The following ZC3H12C variants were observed in gnomAD, a reference collection of about 807,000 sequenced individuals.
ZC3H12C encodes the protein probable ribonuclease ZC3H12C.
Under a neutral mutation model 76.3 loss-of-function variants are expected in ZC3H12C, and 20 were observed. The ratio of observed to expected loss-of-function variants is 0.26; its 90% confidence interval spans 0.18 to 0.38. The LOEUF is 0.38. Among genes scored for constraint, ZC3H12C ranks in the 10% least tolerant of loss-of-function variants. ZC3H12C has a pLI of 1.00. For missense variants in ZC3H12C, 874 were observed against 1,086.5 expected (o/e 0.80, Z 2.75); for synonymous variants, 352 against 399.6 (o/e 0.88, Z 1.42).
intron 1 of ZC3H12C, among the ~76,000 whole-genome samples, chr11:110,127,932 T>G (rs1210308826): frequency 6.7e-6 from 1 of 148,900 alleles, no homozygotes; most frequent in Non-Finnish European, 1.5e-5. Context: ...TTAAAGAGAG[T>G]GGTCCCAGGA....
At chr11:110,100,223 T>TTTTTG (rs1167017206) in intron 1 of ZC3H12C, among the ~76,000 whole-genome samples, 2 of 151,354 alleles carry the variant, frequency 1.3e-5, no homozygotes, top group Admixed American at 6.6e-5. Context: ...TTTTTTTTTT[T>TTTTTG]TTTTTGATAC....
intron 1 of ZC3H12C, among the ~76,000 whole-genome samples, chr11:110,106,849 A>G (rs906771854): frequency 2.6e-5 from 4 of 152,218 alleles, no homozygotes; most frequent in African/African-American, 4.8e-5. Flanking sequence ...TTCAGGTTCT[A>G]TAATAATGAC....
intron 4 of ZC3H12C, among the ~76,000 whole-genome samples, chr11:110,160,553 A>G (rs573048464): frequency 2.0e-5 from 3 of 152,168 alleles, no homozygotes; most frequent in Middle Eastern, 3.4e-3. Flanking sequence ...CTAAGACACA[A>G]ACACATTATC....
rs915210195 is a variant in ZC3H12C, at chr11:110,168,405, A to G, written c.*2668A>G. ...CTTTAGGTACAGCAAATTCTTACTTATCTAAAGCAATAAGTCAAAGGAGTC... is the reference window on the plus strand; with the variant it reads ...CTTTAGGTACAGCAAATTCTTACTTGTCTAAAGCAATAAGTCAAAGGAGTC... On this transcript the variant is annotated 3_prime_UTR_variant, in exon 6 of 6. Coordinates refer to ENST00000278590, the MANE Select transcript of ZC3H12C (RefSeq NM_033390.2). 6.6e-6 allele frequency: 1 copy of G among 152,208 alleles called. No individual in the cohort carries two copies. Among genetic ancestry groups the G allele is most frequent in the African/African-American group, 2.4e-5 (1 of 41,460 alleles). 9.4% of individuals were successfully genotyped at this position (152,208 alleles called of 1,614,324 possible).
At chr11:110,155,764 T>C (rs1352824717) in intron 3 of ZC3H12C, among the ~76,000 whole-genome samples, 1 of 152,176 alleles carries the variant, frequency 6.6e-6, no homozygotes, top group African/African-American at 2.4e-5. Flanking sequence ...CAGAAAATGA[T>C]GAGCAGGAAA....
intron 1 of ZC3H12C, among the ~76,000 whole-genome samples, chr11:110,093,823 C>T (rs1246391530): frequency 6.6e-6 from 1 of 152,126 alleles, no homozygotes; most frequent in African/African-American, 2.4e-5. Flanking sequence ...CTGCGCTGCC[C>T]CAGCGGCTCA....
At chr11:110,113,420 C>T (rs1341695093) in intron 1 of ZC3H12C, among the ~76,000 whole-genome samples, 1 of 152,092 alleles carries the variant, frequency 6.6e-6, no homozygotes, top group Non-Finnish European at 1.5e-5. Context: ...AATAGATTTG[C>T]TGCTACATCT....
intron 1 of ZC3H12C, among the ~76,000 whole-genome samples, chr11:110,109,968 A>G (rs2134152415): frequency 6.6e-6 from 1 of 152,302 alleles, no homozygotes. Flanking sequence ...TTTTTCCTCA[A>G]TGCCTTGAAA....
At chr11:110,093,530 C>T (rs1179163924) in intron 1 of ZC3H12C, 98 bp downstream of exon 1, 1 of 956,382 alleles carries the variant, frequency 1.0e-6, no homozygotes, top group Non-Finnish European at 1.3e-6. Context: ...GCCCGGGCGC[C>T]AGGCGGAGGG....
intron 1 of ZC3H12C, among the ~76,000 whole-genome samples, chr11:110,128,340 C>T (rs139525479): frequency 1.1e-4 from 17 of 152,180 alleles, no homozygotes; most frequent in African/African-American, 3.6e-4. Flanking sequence ...GTCTAAATAC[C>T]ACAGCAGGAT....
Position 110,137,185 on chromosome 11 carries a change from G to A in ZC3H12C, c.544G>A (p.Val182Ile). The change falls in exon 2 of 6, where the codon GTA (valine) becomes ATA (isoleucine). Residue 182 changes from valine (V) to isoleucine (I), a missense_variant. Physicochemically the swap from Val to Ile is conservative, Grantham distance 29 (BLOSUM62 3). This residue lies in a region of ZC3H12C where 210 missense variants were observed against 227.1 expected (regional missense o/e 0.92). Transcript: ENST00000278590. ...LGYSEEQVQL[V>I]LNKLGTDALI... ...TTATTCTGAAGAACAGGTTCAGCTT[G>A]TACTAAACAAACTTGGTACTGATGC... 1 of 1,613,854 alleles carries A rather than the reference G, an allele frequency of 6.2e-7. No individual in the cohort carries two copies.
chr11:110,119,222 T>G (rs1413651177), intron 1 of ZC3H12C, among the ~76,000 whole-genome samples: 2 of 152,100 alleles, frequency 1.3e-5, no homozygotes, highest in African/African-American at 4.8e-5. Context: ...TAAAATAGGA[T>G]CATCACTTCT....
At chr11:110,130,878 G>A in intron 1 of ZC3H12C, 1 of 648,900 alleles carries the variant, frequency 1.5e-6, no homozygotes, top group Non-Finnish European at 2.6e-6. Flanking sequence ...ACCTGACGCA[G>A]GGTGCTGAGG....
chr11:110,156,454 A>G lies in ZC3H12C; in HGVS notation c.914-2802A>G, dbSNP rs150287243. ...CTGAACCCATATTACTTATGTCAGGATTATTTATGTCATCCTAATTAATGT... is the reference window on the plus strand; with the variant it reads ...CTGAACCCATATTACTTATGTCAGGGTTATTTATGTCATCCTAATTAATGT... On this transcript the variant is annotated intron_variant, in intron 3 of 5. Transcript: ENST00000278590. Among the ~76,000 whole-genome samples the G allele has an allele frequency of 4.3e-4, 66 of 152,344 alleles. 1 individual carries two copies. The South Asian group carries it at 6.6e-3, about 15-fold the overall frequency.
intron 1 of ZC3H12C, among the ~76,000 whole-genome samples, chr11:110,105,238 C>A (rs75966778): frequency 0.011 from 1,655 of 152,232 alleles, 33 homozygotes; most frequent in East Asian, 0.087. Flanking sequence ...AAATCTTTGG[C>A]ATCATTTTCT....
At chr11:110,121,508 C>T (rs1267594178) in intron 1 of ZC3H12C, among the ~76,000 whole-genome samples, 1 of 152,216 alleles carries the variant, frequency 6.6e-6, no homozygotes, top group Admixed American at 6.5e-5. Context: ...TAAAATCTTA[C>T]ATCACCTTTT....
chr11:110,156,419 A>G (rs1260236980), intron 3 of ZC3H12C, among the ~76,000 whole-genome samples: 2 of 152,222 alleles, frequency 1.3e-5, no homozygotes, highest in Non-Finnish European at 2.9e-5. Flanking sequence ...CAGTTAACTT[A>G]CTAGTTTTAC....
At chr11:110,134,605 G>A (rs1861922180) in intron 1 of ZC3H12C, among the ~76,000 whole-genome samples, 1 of 151,968 alleles carries the variant, frequency 6.6e-6, no homozygotes. Flanking sequence ...CTAAGTAATT[G>A]GGCTCATGCA....
intron 4 of ZC3H12C, 111 bp from the exon 5 acceptor site, chr11:110,163,162 T>C (rs1862511860): frequency 1.2e-6 from 1 of 868,810 alleles, no homozygotes; most frequent in Non-Finnish European, 1.7e-6. Context: ...AACACTTGGA[T>C]TAAAATTGCA....
Sources: gnomAD v4.1 joint callset for allele counts (sites outside exome capture counted in the v4.1 genomes callset) on GRCh38, gnomAD v4.1.1 for gene constraint, gnomAD v4.1.1 regional missense constraint, MANE v1.5 for transcripts, NCBI Gene and HGNC (gene_info 2026-07-23, HGNC 2026-07-21) for gene names.